The following MITF variants were observed in gnomAD, a reference collection of about 807,000 sequenced individuals.
MITF encodes melanocyte inducing transcription factor, also known as microphthalmia-associated transcription factor.
Under a neutral mutation model 60.5 loss-of-function variants are expected in MITF, and 17 were observed. The ratio of observed to expected loss-of-function variants is 0.28; its 90% CI spans 0.19 to 0.42. The LOEUF (loss-of-function observed/expected upper bound fraction) is 0.42. Ranked by LOEUF, MITF falls within the 10% of genes least tolerant of loss-of-function variation. The pLI, the probability that MITF is intolerant of heterozygous loss-of-function variation, is 1.00. For missense variants in MITF, 622 were observed against 683.5 expected, an observed-to-expected ratio of 0.91 and a Z score of 1.00; for synonymous variants, 260 against 248.5, an observed-to-expected ratio of 1.05 and a Z score of -0.43.
Position 69,949,353 on chromosome 3 carries a change from T to C in MITF, c.880+185T>C, listed in dbSNP as rs1358414798. On this transcript the variant is annotated intron_variant, in intron 6 of 9. Coordinates refer to ENST00000352241, the MANE Select transcript of MITF (RefSeq NM_001354604.2). ...AGAATTTATACTTGAAAATTCTGTT[T>C]TTTTTCAAGGAGATCCTTGAAAATC... Among the ~76,000 whole-genome samples, 5 of 152,288 alleles carry C rather than the reference T, an allele frequency of 3.3e-5. No individual in the cohort carries two copies. In the East Asian group the frequency reaches 9.6e-4, roughly 29 times the overall value.
chr3:69,957,222 A>C (rs1163555459), intron 8 of MITF, among the ~76,000 whole-genome samples: 2 of 152,168 alleles, frequency 1.3e-5, no homozygotes, highest in Non-Finnish European at 2.9e-5. Flanking sequence ...ACAAACACAC[A>C]GTTTTTATCC....
intron 1 of MITF, among the ~76,000 whole-genome samples, chr3:69,809,239 A>G (rs1009395360): frequency 6.6e-6 from 1 of 152,070 alleles, no homozygotes; most frequent in Non-Finnish European, 1.5e-5. Context: ...GAATGGGGTG[A>G]ATGTGGGGGA....
chr3:69,739,546 C>G lies in MITF; in HGVS notation c.-52C>G. 1 of 1,495,160 alleles carries G rather than the reference C, an allele frequency of 6.7e-7. No individual in the cohort carries two copies. Among genetic ancestry groups the G allele is most frequent in the Non-Finnish European group, 9.1e-7 (1 of 1,095,652 alleles). The allele number at this position is 1,495,160 out of a possible 1,614,324, so 92.6% of individuals were successfully genotyped here. Reference sequence around the variant, plus strand: ...CCAGGCCCAGCTACCTTCCCTCCGCCCCCGGGCTCTGTTCTCACTTTCCAG... The same window carrying G: ...CCAGGCCCAGCTACCTTCCCTCCGCGCCCGGGCTCTGTTCTCACTTTCCAG... On this transcript the variant is annotated 5_prime_UTR_variant, in exon 1 of 10. Coordinates refer to ENST00000352241, the MANE Select transcript of MITF (RefSeq NM_001354604.2).
At chr3:69,763,942 G>C (rs541841817) in intron 1 of MITF, 10 of 1,357,380 alleles carry the variant, frequency 7.4e-6, no homozygotes, top group Admixed American at 2.1e-5. Flanking sequence ...TTTTCAAGAA[G>C]GTAATACAGA....
At chr3:69,949,231 T>C in intron 6 of MITF, 63 bp downstream of exon 6, 1 of 1,280,010 alleles carries the variant, frequency 7.8e-7, no homozygotes, top group Non-Finnish European at 1.1e-6. Flanking sequence ...TAAGACAAAG[T>C]TATTGATATA....
intron 1 of MITF, among the ~76,000 whole-genome samples, chr3:69,846,705 T>G (rs975861425): frequency 1.3e-5 from 2 of 150,630 alleles, no homozygotes; most frequent in African/African-American, 4.9e-5. Flanking sequence ...TAATCCCAGC[T>G]GCTCAGGAGG....
chr3:69,814,100 CT>C (rs2063143044), intron 1 of MITF, among the ~76,000 whole-genome samples: 1 of 151,892 alleles, frequency 6.6e-6, no homozygotes, highest in Admixed American at 6.6e-5. Context: ...TCTTGATTTC[CT>C]TTTCGACCTA....
chr3:69,849,116 C>T (rs1428615394), intron 1 of MITF, among the ~76,000 whole-genome samples: 4 of 151,140 alleles, frequency 2.6e-5, no homozygotes, highest in Non-Finnish European at 5.9e-5. Flanking sequence ...AGGCGCCCGC[C>T]ACTACGCCCG....
At chr3:69,747,496 A>T (rs1337092688) in intron 1 of MITF, among the ~76,000 whole-genome samples, 1 of 152,222 alleles carries the variant, frequency 6.6e-6, no homozygotes, top group Non-Finnish European at 1.5e-5. Flanking sequence ...GACAGTTGCC[A>T]TCTTGCAAGG....
At position 69,777,060 on chromosome 3, in the gene MITF, C is replaced by A. The variant is rs947052990; in HGVS notation, c.104+37359C>A. On this transcript the variant is annotated intron_variant, in intron 1 of 9. Transcript: ENST00000352241. ...ATCCAGTAAAAGTCTTATAATCATG[C>A]ATTTGCAATTTTGCAGATCACAAAA... Among the ~76,000 whole-genome samples the A allele has an allele frequency of 3.9e-5, 6 of 152,144 alleles. No homozygotes were observed. In the East Asian group the frequency reaches 9.6e-4, roughly 24 times the overall value.
chr3:69,967,891 A>G lies in MITF; in HGVS notation c.*2643A>G, dbSNP rs1048418402. ...TCTATATGGAGTGACCAAAATGCCAAAATTGTCCATCTGCCTCTGAGTAGG... is the reference window on the plus strand; with the variant it reads ...TCTATATGGAGTGACCAAAATGCCAGAATTGTCCATCTGCCTCTGAGTAGG... On this transcript the variant is annotated 3_prime_UTR_variant, in exon 10 of 10. Transcript: ENST00000352241. 4.3e-6 allele frequency: 1 copy of G among 233,334 alleles called. No individual in the cohort carries two copies. The highest frequency in any genetic ancestry group is 8.5e-6 in the Non-Finnish European group (1 of 117,942). 14.5% of individuals were successfully genotyped at this position (233,334 alleles called of 1,614,324 possible). A position where few individuals can be genotyped will look rare whatever the true frequency, so the allele number is the denominator to read the frequency against.
chr3:69,875,216 T>A (rs554095311), intron 1 of MITF, among the ~76,000 whole-genome samples: 2 of 152,300 alleles, frequency 1.3e-5, no homozygotes, highest in South Asian at 4.1e-4. Flanking sequence ...AAATTCCCAG[T>A]TCTCAGGGGA....
chr3:69,831,914 G>C (rs968618747), intron 1 of MITF, among the ~76,000 whole-genome samples: 4 of 152,094 alleles, frequency 2.6e-5, no homozygotes, highest in Non-Finnish European at 4.4e-5. Flanking sequence ...GAGGGAGTGG[G>C]AGCTGGGGTG....
chr3:69,799,548 C>A (rs1054978873), intron 1 of MITF, among the ~76,000 whole-genome samples: 17 of 152,170 alleles, frequency 1.1e-4, no homozygotes, highest in African/African-American at 3.9e-4. Flanking sequence ...AAGTTATACA[C>A]CCAAAACGGG....
At chr3:69,819,707 A>C (rs574669572) in intron 1 of MITF, among the ~76,000 whole-genome samples, 2 of 152,296 alleles carry the variant, frequency 1.3e-5, no homozygotes, top group African/African-American at 4.8e-5. Context: ...GTAACCTGTA[A>C]TCCCAGCACT....
Position 69,941,222 on chromosome 3 carries a change from C to A in MITF, c.667-14C>A, listed in dbSNP as rs2107490383. 6.4e-7 allele frequency: 1 copy of A among 1,558,236 alleles called. No individual in the cohort carries two copies. ...TTTATTTTTGTCTCTCTTCTCTTAC[C>A]CTTTTTCCTACAGATGGATGATGTA... is the stretch of plus-strand genomic sequence containing the variant. On this transcript the variant is annotated splice_polypyrimidine_tract_variant and intron_variant, in intron 4 of 9. Transcript: ENST00000352241.
chr3:69,946,282 C>T lies in MITF; in HGVS notation c.763-2769C>T, dbSNP rs1343241579. Among the ~76,000 whole-genome samples the T allele has an allele frequency of 2.0e-5, 3 of 152,282 alleles. No individual in the cohort carries two copies. In the East Asian group the frequency reaches 5.8e-4, roughly 29 times the overall value. ...GGATTTTAATCCGGATCTCTGACTC[C>T]TAAGCACAGGCTATAAAGTTCTGCA... On this transcript the variant is annotated intron_variant, in intron 5 of 9. Coordinates refer to ENST00000352241, the MANE Select transcript of MITF (RefSeq NM_001354604.2).
chr3:69,890,589 A>G (rs1012912931), intron 2 of MITF, among the ~76,000 whole-genome samples: 8 of 152,108 alleles, frequency 5.3e-5, no homozygotes, highest in Non-Finnish European at 1.0e-4. Flanking sequence ...GGTTTTATGT[A>G]TGATTTTTAT....
At chr3:69,954,570 C>T (rs891128282) in intron 7 of MITF, among the ~76,000 whole-genome samples, 4 of 152,076 alleles carry the variant, frequency 2.6e-5, no homozygotes, top group South Asian at 4.2e-4. Context: ...TCCAATGGGG[C>T]GTGTCTGGCT....
Sources: allele counts gnomAD v4.1 joint callset (sites outside exome capture counted in the v4.1 genomes callset), GRCh38; gene constraint gnomAD v4.1.1; transcripts MANE v1.5; gene names NCBI Gene and HGNC (gene_info 2026-07-23, HGNC 2026-07-21).